The following PLD5 variants were observed in gnomAD, a reference collection of about 807,000 sequenced individuals.
PLD5 encodes the protein phospholipase D family member 5, also known as inactive phospholipase D5.
In PLD5, 36 loss-of-function variants were observed where a neutral mutation model predicts 61.1. The observed-to-expected ratio is 0.59, with a 90% CI of 0.45 to 0.78. The LOEUF is 0.78. Among genes scored for constraint, PLD5 ranks in the 30% least tolerant of loss-of-function variants. PLD5 has a pLI of 0.00. For missense variants in PLD5, 515 were observed against 644.4 expected (o/e 0.80, Z 2.17); for synonymous variants, 243 against 242.8 (o/e 1.00, Z -0.01).
At chr1:242,325,880 A>C (rs1658741861) in intron 2 of PLD5, among the ~76,000 whole-genome samples, 1 of 151,978 alleles carries the variant, frequency 6.6e-6, no homozygotes, top group Non-Finnish European at 1.5e-5. Context: ...GTCACATAGC[A>C]TTTATTTTTC....
At chr1:242,421,744 G>A (rs549215927) in intron 1 of PLD5, among the ~76,000 whole-genome samples, 2 of 152,278 alleles carry the variant, frequency 1.3e-5, no homozygotes, top group African/African-American at 2.4e-5. Flanking sequence ...ACAACTGCAA[G>A]TTTCCTTAAA....
intron 4 of PLD5, among the ~76,000 whole-genome samples, chr1:242,236,952 C>T (rs1373188058): frequency 6.6e-6 from 1 of 152,174 alleles, no homozygotes; most frequent in Non-Finnish European, 1.5e-5. Context: ...AACTTGACAG[C>T]TTTAATTCCC....
chr1:242,167,104 AATAATAATAAT>A lies in PLD5; in HGVS notation c.736-42450_736-42440del, dbSNP rs1350192665. Among the ~76,000 whole-genome samples, 1,190 of 145,974 alleles carry A rather than the reference AATAATAATAAT, an allele frequency of 8.2e-3. 21 individuals carry two copies. Among genetic ancestry groups the A allele is most frequent in the African/African-American group, 0.028 (1,109 of 39,862 alleles). On this transcript the variant is annotated intron_variant, in intron 5 of 9. Transcript: ENST00000536534. ...TAATAATAATAATAATAATAATAAT[AATAATAATAAT>A]AAATAGTAGCCATGTTGGCTAGTTG...
intron 1 of PLD5, among the ~76,000 whole-genome samples, chr1:242,518,427 T>C (rs1669173491): frequency 1.3e-5 from 2 of 152,134 alleles, no homozygotes; most frequent in African/African-American, 4.8e-5. Context: ...TTAAGCAACA[T>C]TTCTGGTGTG....
At chr1:242,506,198 A>G (rs1668713241) in intron 1 of PLD5, among the ~76,000 whole-genome samples, 1 of 152,186 alleles carries the variant, frequency 6.6e-6, no homozygotes. Flanking sequence ...TCCTTGCTGC[A>G]TGGATGATGA....
chr1:242,409,587 AGAAG>A (rs1664429549), intron 1 of PLD5, among the ~76,000 whole-genome samples: 1 of 152,150 alleles, frequency 6.6e-6, no homozygotes, highest in Admixed American at 6.5e-5. Flanking sequence ...TAGGCAAGAA[AGAAG>A]GAAGAAGCTC....
intron 5 of PLD5, among the ~76,000 whole-genome samples, chr1:242,169,646 A>AT (rs1286389690): frequency 2.6e-5 from 4 of 152,096 alleles, no homozygotes; most frequent in African/African-American, 4.8e-5. Context: ...GTGGGTCCTA[A>AT]CCCCATGGAG....
chr1:242,268,414 TCTAA>T (rs1397877672), intron 3 of PLD5, among the ~76,000 whole-genome samples: 1 of 152,208 alleles, frequency 6.6e-6, no homozygotes, highest in Non-Finnish European at 1.5e-5. Context: ...CAAGAGACCA[TCTAA>T]CTTATCTGTA....
At chr1:242,418,596 A>G (rs1183005759) in intron 1 of PLD5, among the ~76,000 whole-genome samples, 1 of 151,930 alleles carries the variant, frequency 6.6e-6, no homozygotes, top group Non-Finnish European at 1.5e-5. Flanking sequence ...GAAACTCCGC[A>G]AAAAAAAGTG....
At chr1:242,284,422 C>T (rs35068954) in intron 3 of PLD5, among the ~76,000 whole-genome samples, 2,252 of 152,144 alleles carry the variant, frequency 0.015, 34 homozygotes, top group African/African-American at 0.03. Flanking sequence ...CAGGCCACCA[C>T]GCCCAACTCT....
chr1:242,529,213 A>T (rs1193359398), upstream of PLD5, among the ~76,000 whole-genome samples: 1 of 152,256 alleles, frequency 6.6e-6, no homozygotes, highest in African/African-American at 2.4e-5. Flanking sequence ...AAGCATTAAT[A>T]TGAGAAGGGT....
chr1:242,471,786 G>A (rs1230997231), intron 1 of PLD5, among the ~76,000 whole-genome samples: 6 of 152,116 alleles, frequency 3.9e-5, no homozygotes, highest in Non-Finnish European at 8.8e-5. Flanking sequence ...AACAAAATGT[G>A]TTCTGAACTT....
chr1:242,179,330 T>C (rs1302824468), intron 5 of PLD5, among the ~76,000 whole-genome samples: 1 of 152,306 alleles, frequency 6.6e-6, no homozygotes, highest in East Asian at 1.9e-4. Flanking sequence ...AAGGAGGCCT[T>C]GTCTGCAGGG....
chr1:242,308,999 G>T (rs986449630), intron 2 of PLD5, among the ~76,000 whole-genome samples: 1 of 152,116 alleles, frequency 6.6e-6, no homozygotes, highest in Non-Finnish European at 1.5e-5. Context: ...CGGGGAAAAA[G>T]ATGAGAAGAT....
intron 2 of PLD5, among the ~76,000 whole-genome samples, chr1:242,318,745 G>T (rs544014335): frequency 1.3e-5 from 2 of 151,664 alleles, no homozygotes; most frequent in Admixed American, 1.3e-4. Flanking sequence ...CTGCCTTGAC[G>T]TCCCAAAGTG....
At chr1:242,384,705 G>T (rs985660822) in intron 1 of PLD5, among the ~76,000 whole-genome samples, 4 of 152,164 alleles carry the variant, frequency 2.6e-5, no homozygotes, top group African/African-American at 9.7e-5. Context: ...TGGATAGCCA[G>T]TTCTCTTGGT....
At chr1:242,337,808 C>A (rs902243492) in intron 2 of PLD5, among the ~76,000 whole-genome samples, 1 of 152,140 alleles carries the variant, frequency 6.6e-6, no homozygotes, top group African/African-American at 2.4e-5. Context: ...CTTGAAGGGA[C>A]AACAGGAAAC....
At position 242,089,823 on chromosome 1, in the gene PLD5, A is replaced by G. The variant is rs190626439; in HGVS notation, c.*31T>C. 220 of 1,612,276 alleles carry G rather than the reference A, an allele frequency of 1.4e-4. 1 individual carries two copies. The East Asian group carries it at 4.8e-3, about 35-fold the overall frequency. ...AGTCCTTTATGTATAAATATGAAAT[A>G]CAGAGCTGTCCTGTCAGTTTCTTCA... On this transcript the variant is annotated 3_prime_UTR_variant, in exon 10 of 10. Transcript: ENST00000536534.
chr1:242,526,903 CT>C (rs1669459425), upstream of PLD5, among the ~76,000 whole-genome samples: 1 of 152,088 alleles, frequency 6.6e-6, no homozygotes, highest in African/African-American at 2.4e-5. Flanking sequence ...ATACCTCTGC[CT>C]TTTGCTGTAT....
Sources: gnomAD v4.1 joint callset for allele counts (sites outside exome capture counted in the v4.1 genomes callset) on GRCh38, gnomAD v4.1.1 for gene constraint, MANE v1.5 for transcripts, NCBI Gene and HGNC (gene_info 2026-07-23, HGNC 2026-07-21) for gene names.